CCDC33: variants seen among roughly 807,000 people sequenced by gnomAD.
CCDC33 encodes coiled-coil domain containing 33.
A neutral mutation model predicts 91.9 loss-of-function variants in CCDC33; 94 were observed. The ratio of observed to expected loss-of-function variants is 1.02; its 90% CI spans 0.87 to 1.21. CCDC33 has a LOEUF of 1.21. Among genes scored for constraint, CCDC33 ranks in the 50% most tolerant of loss-of-function variants. CCDC33 has a pLI of 0.00. For synonymous variants in CCDC33, 396 were observed against 374.5 expected (o/e 1.06, Z -0.66); for missense variants, 940 against 935.5 (o/e 1.00, Z -0.06).
intron 6 of CCDC33, 45 bp downstream of exon 6, chr15:74,271,839 G>A (rs1566987284): frequency 6.6e-7 from 1 of 1,508,086 alleles, no homozygotes. Flanking sequence ...GCAGAGCAGA[G>A]GGCAGAGGAG....
At chr15:74,284,897 A>G (rs2059442428) in intron 10 of CCDC33, among the ~76,000 whole-genome samples, 1 of 152,244 alleles carries the variant, frequency 6.6e-6, no homozygotes, top group African/African-American at 2.4e-5. Context: ...GACTTTGGGA[A>G]GGCAGCAGCA....
intron 11 of CCDC33, among the ~76,000 whole-genome samples, chr15:74,329,304 G>A (rs1264227775): frequency 6.6e-6 from 1 of 152,140 alleles, no homozygotes; most frequent in African/African-American, 2.4e-5. Context: ...CCTCATGGCA[G>A]AATTGCACGG....
intron 7 of CCDC33, among the ~76,000 whole-genome samples, chr15:74,274,186 C>T (rs1233655626): frequency 6.6e-6 from 1 of 152,182 alleles, no homozygotes; most frequent in Non-Finnish European, 1.5e-5. Flanking sequence ...ACAGCAATAG[C>T]ACAAGTGTGA....
At chr15:74,293,316 C>T (rs555716218) in intron 10 of CCDC33, among the ~76,000 whole-genome samples, 1 of 152,262 alleles carries the variant, frequency 6.6e-6, no homozygotes, top group Non-Finnish European at 1.5e-5. Context: ...CCTGAATCAG[C>T]ATCTCACCAC....
chr15:74,334,756 G>A (rs1222750001), intron 17 of CCDC33, among the ~76,000 whole-genome samples: 1 of 152,168 alleles, frequency 6.6e-6, no homozygotes, highest in African/African-American at 2.4e-5. Context: ...AGCTCAGTAT[G>A]TTGTTGAAAT....
At chr15:74,327,030 G>GA in intron 11 of CCDC33, among the ~76,000 whole-genome samples, 1 of 152,290 alleles carries the variant, frequency 6.6e-6, no homozygotes, top group East Asian at 1.9e-4. Flanking sequence ...GGAAGCCGAG[G>GA]AGGGAAAGCA....
upstream of CCDC33, among the ~76,000 whole-genome samples, chr15:74,214,721 C>G (rs550896191): frequency 1.3e-5 from 2 of 152,324 alleles, no homozygotes; most frequent in East Asian, 3.9e-4. Flanking sequence ...TACCCTCCCT[C>G]CTCACCACCT....
At chr15:74,204,336 G>A (rs1056339884) in intron 1 of CCDC33, among the ~76,000 whole-genome samples, 4 of 152,224 alleles carry the variant, frequency 2.6e-5, no homozygotes, top group Non-Finnish European at 5.9e-5. Context: ...AGGGACTTCA[G>A]AAATTGAGCT....
upstream of CCDC33, chr15:74,217,100 T>C: frequency 3.1e-6 from 1 of 323,550 alleles, no homozygotes; most frequent in South Asian, 3.3e-5. Flanking sequence ...GAAAAAAACT[T>C]CCCTGGGTCA....
exon 1 of CCDC33, chr15:74,203,037 C>G (rs1228768443): frequency 2.1e-5 from 21 of 985,810 alleles, no homozygotes; most frequent in Non-Finnish European, 2.5e-5. Context: ...CTCCCAAGCC[C>G]CTGCCCGCCA....
rs2075426983 is a variant in CCDC33 at position 74,243,874 on chromosome 15, G to A, written c.22-111G>A. 4.6e-5 allele frequency: 54 copies of A among 1,174,928 alleles called. No homozygotes were observed. In the South Asian group the frequency reaches 6.9e-4, roughly 15 times the overall value. The allele number at this position is 1,174,928 out of a possible 1,614,324, so 72.8% of individuals were successfully genotyped here. Reference sequence around the variant, plus strand: ...GCAGGAGAATTGCTTGAACCTGGGAGGTAGAGGCTGCAGTGAGCCAAGATG... The same window carrying A: ...GCAGGAGAATTGCTTGAACCTGGGAAGTAGAGGCTGCAGTGAGCCAAGATG... On this transcript the variant is annotated intron_variant, in intron 1 of 18. Transcript: ENST00000398814.
chr15:74,294,886 G>T (rs375509483), intron 10 of CCDC33, among the ~76,000 whole-genome samples: 1 of 152,196 alleles, frequency 6.6e-6, no homozygotes, highest in African/African-American at 2.4e-5. Context: ...ATCCTTGGGC[G>T]GTGGGGGTGC....
At position 74,331,120 on chromosome 15, in the gene CCDC33, G is replaced by C. The variant is rs1401854204; in HGVS notation, c.1677+8G>C. 3 of 1,613,162 alleles carry C rather than the reference G, an allele frequency of 1.9e-6. No homozygotes were observed. The highest frequency in any genetic ancestry group is 2.5e-6 in the Non-Finnish European group (3 of 1,179,536). On this transcript the variant is annotated splice_region_variant and intron_variant, in intron 14 of 18. Coordinates refer to ENST00000398814, the MANE Select transcript of CCDC33 (RefSeq NM_025055.5). ...GTGCGGCACCAAGAGAAGGCAGGTG[G>C]CAGAGGGGCTGCCCCCGAGGCCAAC...
chr15:74,325,022 C>T (rs544587938), intron 11 of CCDC33, among the ~76,000 whole-genome samples: 1 of 151,696 alleles, frequency 6.6e-6, no homozygotes, highest in Admixed American at 6.6e-5. Flanking sequence ...GACCCTAGCC[C>T]CCTGCCAACC....
At chr15:74,310,662 A>G (rs1217863528) in intron 11 of CCDC33, among the ~76,000 whole-genome samples, 1 of 152,166 alleles carries the variant, frequency 6.6e-6, no homozygotes, top group Non-Finnish European at 1.5e-5. Context: ...TGCCCCCAGG[A>G]AGCCCCCTCC....
chr15:74,207,174 G>A (rs1255554486), intron 1 of CCDC33, among the ~76,000 whole-genome samples: 1 of 152,196 alleles, frequency 6.6e-6, no homozygotes, highest in African/African-American at 2.4e-5. Context: ...GCGGGAGCCT[G>A]TGATTATCAA....
intron 5 of CCDC33, among the ~76,000 whole-genome samples, chr15:74,269,171 C>T (rs987879878): frequency 2.6e-5 from 4 of 152,104 alleles, no homozygotes; most frequent in Non-Finnish European, 5.9e-5. Context: ...TCTCCCATTC[C>T]CCCCAACTTT....
intron 2 of CCDC33, among the ~76,000 whole-genome samples, chr15:74,251,031 G>A (rs2075692034): frequency 6.6e-6 from 1 of 152,198 alleles, no homozygotes; most frequent in Non-Finnish European, 1.5e-5. Flanking sequence ...CTAGCATCTG[G>A]CCCACTGCCC....
rs769976545 is a variant in CCDC33 at position 74,279,979 on chromosome 15, G to A, written c.776G>A (p.Gly259Glu). ...NGCPQLSKPG[G>E]PPEQPLWNQS... The stretch of plus-strand genomic sequence containing the variant: ...TCCCTCCAGCTGTCCAAGCCTGGGG[G>A]ACCCCCAGAGCAGCCCCTGTGGAAT... The change falls in exon 8 of 19, where the codon GGA (glycine) becomes GAA (glutamate). Residue 259 changes from glycine (G) to glutamate (E), a missense_variant. Transcript: ENST00000398814. 4 of 1,614,012 alleles carry A rather than the reference G, an allele frequency of 2.5e-6. No homozygotes were observed. Among genetic ancestry groups the A allele is most frequent in the Non-Finnish European group, 3.4e-6 (4 of 1,179,942 alleles).
Sources: gnomAD v4.1 joint callset for allele counts (sites outside exome capture counted in the v4.1 genomes callset) on GRCh38, gnomAD v4.1.1 for gene constraint, MANE v1.5 for transcripts, NCBI Gene and HGNC (gene_info 2026-07-23, HGNC 2026-07-21) for gene names.